Variants in MED12L observed in about 807,000 individuals in gnomAD.
The protein encoded by MED12L is mediator of RNA polymerase II transcription subunit 12-like protein.
MED12L carries 60 observed loss-of-function variants against 281.3 expected under a neutral mutation model. That is an observed-to-expected ratio of 0.21 (90% CI 0.17 to 0.26). The LOEUF is 0.26. MED12L is among the 10% of genes least tolerant of loss of function. The pLI is 1.00. For missense variants in MED12L, 2,146 were observed against 2,680.9 expected (o/e 0.80, Z 4.41); for synonymous variants, 974 against 987.2 (o/e 0.99, Z 0.25).
In MED12L at chr3:151,355,143, C is replaced by CA; in HGVS notation, c.2422dup (p.Arg808LysfsTer17). 6.2e-7 allele frequency: 1 copy of CA among 1,613,686 alleles called. No homozygotes were observed. Among genetic ancestry groups the CA allele is most frequent in the Non-Finnish European group, 8.5e-7 (1 of 1,179,816 alleles). On this transcript the variant is annotated frameshift_variant, in exon 18 of 45. Transcript: ENST00000687756. LOFTEE classifies it high-confidence loss of function. ...TAGTTGGGGACGAAGGACAAAAAGC[C>CA]AGGAAGAACAAACAGGAGACATTTC...
At chr3:151,169,118 T>TG (rs530428430) in intron 11 of MED12L, among the ~76,000 whole-genome samples, 3,083 of 137,122 alleles carry the variant, frequency 0.022, 117 homozygotes, top group East Asian at 0.17. Flanking sequence ...TTTTTTTTTT[T>TG]TTTGTTTTTT....
intron 27 of MED12L, among the ~76,000 whole-genome samples, chr3:151,375,203 G>A (rs1560096704): frequency 6.6e-6 from 1 of 152,324 alleles, no homozygotes; most frequent in East Asian, 1.9e-4. Flanking sequence ...TTAGTCTGAT[G>A]TGGGCCCTGG....
At chr3:151,322,442 C>G (rs1366607820) in intron 16 of MED12L, among the ~76,000 whole-genome samples, 1 of 152,020 alleles carries the variant, frequency 6.6e-6, no homozygotes, top group Non-Finnish European at 1.5e-5. Flanking sequence ...AGCAATTCAC[C>G]TGCCTTGGCC....
At chr3:151,428,806 C>A (rs1719142195) in intron 43 of MED12L, among the ~76,000 whole-genome samples, 1 of 152,176 alleles carries the variant, frequency 6.6e-6, no homozygotes, top group South Asian at 2.1e-4. Context: ...ATCCCAAATA[C>A]TGCATGGGAT....
chr3:151,282,009 G>A (rs1032987369), intron 16 of MED12L, among the ~76,000 whole-genome samples: 1 of 152,084 alleles, frequency 6.6e-6, no homozygotes, highest in African/African-American at 2.4e-5. Context: ...CCTTACCCCG[G>A]AATTCACCTA....
At chr3:151,371,095 A>G (rs982740061) in intron 26 of MED12L, among the ~76,000 whole-genome samples, 2 of 152,172 alleles carry the variant, frequency 1.3e-5, no homozygotes, top group African/African-American at 4.8e-5. Flanking sequence ...TCTAAACTAA[A>G]TGAGGATCTC....
intron 16 of MED12L, among the ~76,000 whole-genome samples, chr3:151,283,495 T>G (rs569929690): frequency 5.9e-5 from 9 of 152,372 alleles, no homozygotes; most frequent in Admixed American, 2.6e-4. Flanking sequence ...AAATGTGTCA[T>G]CTCTGATTAT....
Position 151,409,338 on chromosome 3 carries a change from C to T in MED12L, c.5910+6C>T. 6.2e-7 allele frequency: 1 copy of T among 1,613,386 alleles called. No homozygotes were observed. The highest frequency in any genetic ancestry group is 8.5e-7 in the Non-Finnish European group (1 of 1,179,442). On this transcript the variant is annotated splice_donor_region_variant and intron_variant, in intron 40 of 44. Transcript: ENST00000687756. Reference sequence around the variant, plus strand: ...CAGGGCTGCAGCAAGCACAGGTACCCACATTTGCTTTGTAGGTACTGACAG... The same window carrying T: ...CAGGGCTGCAGCAAGCACAGGTACCTACATTTGCTTTGTAGGTACTGACAG...
At chr3:151,123,203 A>G (rs1266157862) in intron 4 of MED12L, among the ~76,000 whole-genome samples, 4 of 152,204 alleles carry the variant, frequency 2.6e-5, no homozygotes, top group Admixed American at 2.6e-4. Context: ...CAAGCTGTTT[A>G]TGTGGATTTT....
At position 151,413,219 on chromosome 3, in the gene MED12L, T is replaced by C. The variant is rs559619159; in HGVS notation, c.6221T>C (p.Leu2074Pro). 22 of 1,614,160 alleles carry C rather than the reference T, an allele frequency of 1.4e-5. No individual in the cohort carries two copies. The highest frequency in any genetic ancestry group is 1.9e-5 in the Non-Finnish European group (22 of 1,180,012). ...GTGCTGACTTCTGCACATCCAAACCTTCCCTCCGTGCCCCTGCCTCAGGAT... is the reference window on the plus strand; with the variant it reads ...GTGCTGACTTCTGCACATCCAAACCCTCCCTCCGTGCCCCTGCCTCAGGAT... The part of the protein sequence containing the change: ...DAVLTSAHPN[L>P]PSVPLPQDPM... Residue 2074 changes from leucine (L) to proline (P), a missense_variant, in exon 42 of 45, where the codon CTT (leucine) becomes CCT (proline). This residue lies in a region of MED12L where 496 missense variants were observed against 512.0 expected (regional missense o/e 0.97). Transcript: ENST00000687756.
rs78827398 is a variant in MED12L, at chr3:151,175,332, T to A, written c.1494+9350T>A. Reference sequence around the variant, plus strand: ...TGTTTGACCTTGACTAAGTGATTGATTTCATTTATAAACATGTCCTTTTAG... The same window carrying A: ...TGTTTGACCTTGACTAAGTGATTGAATTCATTTATAAACATGTCCTTTTAG... On this transcript the variant is annotated intron_variant, in intron 11 of 44. Transcript: ENST00000687756. Among the ~76,000 whole-genome samples, 990 of 152,348 alleles carry A rather than the reference T, an allele frequency of 6.5e-3. 15 individuals carry two copies. The highest frequency in any genetic ancestry group is 0.023 in the African/African-American group (953 of 41,588).
intron 16 of MED12L, among the ~76,000 whole-genome samples, chr3:151,335,055 A>G (rs765380620): frequency 5.3e-5 from 8 of 152,134 alleles, no homozygotes; most frequent in Non-Finnish European, 1.0e-4. Context: ...GTGATATTTC[A>G]TGTAAGTATA....
intron 16 of MED12L, chr3:151,294,802 C>A: frequency 6.2e-7 from 1 of 1,614,038 alleles, no homozygotes; most frequent in Admixed American, 1.7e-5. Context: ...TCCGAGAGTC[C>A]CCAAATGGCT....
chr3:151,419,556 C>T (rs1182081688), intron 43 of MED12L, among the ~76,000 whole-genome samples: 1 of 151,988 alleles, frequency 6.6e-6, no homozygotes, highest in East Asian at 1.9e-4. Flanking sequence ...TTGGCAACAC[C>T]CTCACAGACA....
chr3:151,357,150 A>G, intron 19 of MED12L, 63 bp from the exon 20 acceptor site: 1 of 1,378,116 alleles, frequency 7.3e-7, no homozygotes, highest in Non-Finnish European at 9.9e-7. Context: ...GTTTATAAAA[A>G]TAAATGTTTT....
At chr3:151,087,531 A>T (rs181121113) in intron 2 of MED12L, among the ~76,000 whole-genome samples, 27 of 152,238 alleles carry the variant, frequency 1.8e-4, no homozygotes, top group South Asian at 2.1e-4. Flanking sequence ...ATAAATATTT[A>T]GCTCTCTGAA....
chr3:151,093,103 T>C (rs1357520363), intron 2 of MED12L, among the ~76,000 whole-genome samples: 3 of 152,122 alleles, frequency 2.0e-5, no homozygotes, highest in East Asian at 3.8e-4. Context: ...AGTAGAAATT[T>C]GAGGCCAGCC....
At chr3:151,410,602 T>C (rs1245688771) in intron 40 of MED12L, among the ~76,000 whole-genome samples, 3 of 152,200 alleles carry the variant, frequency 2.0e-5, no homozygotes, top group African/African-American at 4.8e-5. Context: ...AAGGTGACAA[T>C]ACACAAAGAA....
Position 151,165,940 on chromosome 3 carries a change from T to C in MED12L, c.1452T>C (p.Tyr484=). The C allele has an allele frequency of 6.2e-7, 1 of 1,613,832 alleles. No homozygotes were observed. Among genetic ancestry groups the C allele is most frequent in the Non-Finnish European group, 8.5e-7 (1 of 1,179,832 alleles). ...TDSSNSMETL[Y]HKIFWANQNK... ...CCAGCAATTCCATGGAGACACTTTATCATAAGATTTTCTGGGCAAACCAAA... is the reference window on the plus strand; with the variant it reads ...CCAGCAATTCCATGGAGACACTTTACCATAAGATTTTCTGGGCAAACCAAA... Residue 484 remains tyrosine (Y), a synonymous_variant, in exon 11 of 45, where the codon TAT becomes TAC. Coordinates refer to ENST00000687756, the MANE Select transcript of MED12L (RefSeq NM_001393769.1).
Sources: gnomAD v4.1 joint callset for allele counts (sites outside exome capture counted in the v4.1 genomes callset) on GRCh38, gnomAD v4.1.1 for gene constraint, gnomAD v4.1.1 regional missense constraint, MANE v1.5 for transcripts, NCBI Gene and HGNC (gene_info 2026-07-23, HGNC 2026-07-21) for gene names.